Variants in CLIC5 observed in about 807,000 individuals in gnomAD.
The protein encoded by CLIC5 is chloride intracellular channel protein 5.
Under a neutral mutation model 24.7 loss-of-function variants are expected in CLIC5, and 20 were observed. The observed-to-expected ratio is 0.81, with a 90% CI of 0.57 to 1.18. CLIC5 has a LOEUF of 1.18. CLIC5 is among the 50% of genes most tolerant of loss of function. The probability of loss-of-function intolerance (pLI) is 0.00; values close to 1 mark genes in which losing one functional copy is unlikely to be tolerated. For missense variants in CLIC5, 341 were observed against 326.1 expected (o/e 1.05, Z -0.35); for synonymous variants, 159 against 135.6 (o/e 1.17, Z -1.20).
chr6:46,072,160 A>G (rs1762622133), intron 1 of CLIC5, among the ~76,000 whole-genome samples: 1 of 151,912 alleles, frequency 6.6e-6, no homozygotes, highest in Non-Finnish European at 1.5e-5. Context: ...GAGTGATGAA[A>G]TAATCTGTAC....
At chr6:45,925,353 G>C (rs1321554464) in intron 4 of CLIC5, among the ~76,000 whole-genome samples, 1 of 138,502 alleles carries the variant, frequency 7.2e-6, no homozygotes, top group Non-Finnish European at 1.5e-5. Flanking sequence ...GTCTCGCTCT[G>C]TCACCCAGGC....
intron 1 of CLIC5, among the ~76,000 whole-genome samples, chr6:46,069,104 C>T (rs1762518575): frequency 6.6e-6 from 1 of 152,042 alleles, no homozygotes; most frequent in South Asian, 2.1e-4. Flanking sequence ...GGAGCAAAGG[C>T]CCAGAACCAT....
the CLIC5 span, among the ~76,000 whole-genome samples, chr6:46,088,966 C>T: frequency 1.3e-5 from 2 of 152,154 alleles, no homozygotes; most frequent in African/African-American, 4.8e-5. Context: ...ATGCTTGCAG[C>T]AGGGAAGGGC....
intron 1 of CLIC5, among the ~76,000 whole-genome samples, chr6:46,042,517 C>T (rs1767835688): frequency 6.6e-6 from 1 of 152,126 alleles, no homozygotes; most frequent in African/African-American, 2.4e-5. Flanking sequence ...GGGTGTTTAG[C>T]CAGATGTCCT....
intron 1 of CLIC5, among the ~76,000 whole-genome samples, chr6:46,001,875 T>C (rs1397582708): frequency 1.3e-5 from 2 of 152,086 alleles, no homozygotes; most frequent in Non-Finnish European, 2.9e-5. Flanking sequence ...CACCACAATA[T>C]CTGGTGCATA....
intron 1 of CLIC5, among the ~76,000 whole-genome samples, chr6:46,013,331 A>G (rs1391830925): frequency 6.6e-6 from 1 of 152,250 alleles, no homozygotes; most frequent in Non-Finnish European, 1.5e-5. Flanking sequence ...GATTCTGTCA[A>G]CAAGGATATT....
Position 45,910,839 on chromosome 6 carries a change from TGGA to T in CLIC5, c.588+3386_588+3388del, listed in dbSNP as rs567923290. On this transcript the variant is annotated intron_variant, in intron 5 of 5. Coordinates refer to ENST00000339561, the MANE Select transcript of CLIC5 (RefSeq NM_016929.5). ...AGTTACTGGAGAGAGCCAGCAAGGT[TGGA>T]GGAGGAGAAGGGAGGGAGAAGCCCA... Among the ~76,000 whole-genome samples, 42 of 152,354 alleles carry T rather than the reference TGGA, an allele frequency of 2.8e-4. 1 individual carries two copies. In the East Asian group the frequency reaches 6.0e-3, roughly 22 times the overall value.
chr6:46,034,260 C>A (rs565095525), intron 1 of CLIC5, among the ~76,000 whole-genome samples: 1 of 152,342 alleles, frequency 6.6e-6, no homozygotes, highest in South Asian at 2.1e-4. Flanking sequence ...GCCTGGACAC[C>A]AGGACTATCT....
chr6:46,001,887 G>C (rs1178982810), intron 1 of CLIC5, among the ~76,000 whole-genome samples: 1 of 152,144 alleles, frequency 6.6e-6, no homozygotes. Flanking sequence ...TGGTGCATAG[G>C]AGAGAGATGC....
chr6:45,926,841 T>G (rs1411821217), intron 4 of CLIC5, among the ~76,000 whole-genome samples: 2 of 152,178 alleles, frequency 1.3e-5, no homozygotes, highest in Non-Finnish European at 1.5e-5. Context: ...CTTGCATTCT[T>G]TTATTGATTG....
intron 1 of CLIC5, among the ~76,000 whole-genome samples, chr6:45,970,805 G>A: frequency 6.6e-6 from 1 of 152,196 alleles, no homozygotes; most frequent in East Asian, 1.9e-4. Flanking sequence ...GCAAGTCACT[G>A]TCTCGATCTG....
chr6:45,897,080 A>G (rs1274039894), downstream of CLIC5, among the ~76,000 whole-genome samples: 11 of 152,154 alleles, frequency 7.2e-5, no homozygotes, highest in Admixed American at 7.2e-4. Flanking sequence ...CTGTGGTCAC[A>G]TCAAGGACCC....
In CLIC5 at chr6:45,898,493, C is replaced by T. The variant is rs1473379822; in HGVS notation, c.*4595G>A. The T allele has an allele frequency of 6.6e-6, 1 of 152,590 alleles. No homozygotes were observed. The highest frequency in any genetic ancestry group is 1.5e-5 in the Non-Finnish European group (1 of 68,036). The allele number at this position is 152,590 out of a possible 1,614,324, so 9.5% of individuals were successfully genotyped here. A position where few individuals can be genotyped will look rare whatever the true frequency, so the allele number is the denominator to read the frequency against. ...ATAAACCAACTTTATTTGAATCAGT[C>T]AATACCAATCAAGACTGGAACACAA... On this transcript the variant is annotated 3_prime_UTR_variant, in exon 6 of 6. Transcript: ENST00000339561.
chr6:45,962,097 C>T (rs1160252287), intron 1 of CLIC5, among the ~76,000 whole-genome samples: 1 of 149,312 alleles, frequency 6.7e-6, no homozygotes, highest in Non-Finnish European at 1.5e-5. Flanking sequence ...CACACACATC[C>T]TGTTATATCT....
At position 45,919,116 on chromosome 6, in the gene CLIC5, T is replaced by C. The variant is rs1162294948; in HGVS notation, c.407-4707A>G. On this transcript the variant is annotated intron_variant, in intron 4 of 5. Transcript: ENST00000339561. ...CAACTTTAATTTCGTCCATTTTGGA[T>C]TATAACCTAGTCTGATGTAATCATC... The C allele has an allele frequency of 3.0e-6, 3 of 984,990 alleles. No individual in the cohort carries two copies. The African/African-American group carries it at 5.2e-5, about 17-fold the overall frequency. The allele number at this position is 984,990 out of a possible 1,614,324, so 61.0% of individuals were successfully genotyped here.
intron 1 of CLIC5, among the ~76,000 whole-genome samples, chr6:46,060,440 GGGTGC>G (rs1762220740): frequency 2.0e-5 from 3 of 152,044 alleles, no homozygotes; most frequent in Non-Finnish European, 4.4e-5. Context: ...GTGGGAGTGG[GGGTGC>G]TAATAGTTGT....
At chr6:46,021,742 T>C (rs1767191137) in intron 1 of CLIC5, among the ~76,000 whole-genome samples, 1 of 152,136 alleles carries the variant, frequency 6.6e-6, no homozygotes, top group African/African-American at 2.4e-5. Context: ...AAAAAAATTA[T>C]AGGGATGGAG....
In CLIC5 at chr6:46,001,494, A is replaced by T. The variant is rs1455571554; in HGVS notation, c.63+13986T>A. Among the ~76,000 whole-genome samples, 5 of 152,206 alleles carry T rather than the reference A, an allele frequency of 3.3e-5. No individual in the cohort carries two copies. In the East Asian group the frequency reaches 9.7e-4, roughly 29 times the overall value. ...CCAGGTCCCTTGGCTTGGAGCTCCC[A>T]TAGCCTCATTCTTGCCTTCAGGCCA... On this transcript the variant is annotated intron_variant, in intron 1 of 5. Transcript: ENST00000339561.
chr6:46,071,478 T>C (rs147974932), intron 1 of CLIC5, among the ~76,000 whole-genome samples: 3 of 151,894 alleles, frequency 2.0e-5, no homozygotes, highest in African/African-American at 7.3e-5. Context: ...AACAACCATA[T>C]GAAAAAAAGC....
Sources: gnomAD v4.1 joint callset for allele counts (sites outside exome capture counted in the v4.1 genomes callset) on GRCh38, gnomAD v4.1.1 for gene constraint, MANE v1.5 for transcripts, NCBI Gene and HGNC (gene_info 2026-07-23, HGNC 2026-07-21) for gene names.